The following DHRS7B variants were observed in gnomAD, a reference collection of about 807,000 sequenced individuals.
DHRS7B encodes the protein dehydrogenase/reductase 7B.
DHRS7B carries 24 observed loss-of-function variants against 26.4 expected under a neutral mutation model. That is an observed-to-expected ratio of 0.91 (90% CI 0.66 to 1.28). The LOEUF is 1.28. DHRS7B is among the 50% of genes most tolerant of loss of function. The probability of loss-of-function intolerance (pLI) is 0.00; values close to 1 mark genes in which losing one functional copy is unlikely to be tolerated. For synonymous variants in DHRS7B, 142 were observed against 166.4 expected (o/e 0.85, Z 1.13); for missense variants, 368 against 419.4 (o/e 0.88, Z 1.07).
At chr17:21,137,545 C>T (rs1973374621) in intron 1 of DHRS7B, among the ~76,000 whole-genome samples, 1 of 151,936 alleles carries the variant, frequency 6.6e-6, no homozygotes, top group African/African-American at 2.4e-5. Context: ...GCAACCTCCG[C>T]CTCCTGGGTT....
At position 21,191,027 on chromosome 17, in the gene DHRS7B, GA is replaced by G. The variant is rs761064582; in HGVS notation, c.855del (p.Asp286MetfsTer2). On this transcript the variant is annotated frameshift_variant, in exon 7 of 7. Transcript: ENST00000395511. LOFTEE classifies it high-confidence loss of function. ...TTCTTGCTGCTGTGGGGAAGAAGAA[GA>G]AAGATGTGATCCTGGCTGACTTACT... ...DVLAAVGKKK[K>X]DVILADLLPS... is the part of the protein sequence containing the mutation. 2 of 1,614,276 alleles carry G rather than the reference GA, an allele frequency of 1.2e-6. No homozygotes were observed. Among genetic ancestry groups the G allele is most frequent in the South Asian group, 2.2e-5 (2 of 91,088 alleles).
chr17:21,156,016 A>G (rs540579343), intron 1 of DHRS7B, among the ~76,000 whole-genome samples: 4 of 152,294 alleles, frequency 2.6e-5, no homozygotes, highest in African/African-American at 7.2e-5. Flanking sequence ...AAGAAGAAAG[A>G]TCTAAAATCA....
chr17:21,179,923 C>T (rs900879885), intron 3 of DHRS7B, among the ~76,000 whole-genome samples: 14 of 151,762 alleles, frequency 9.2e-5, no homozygotes, highest in Admixed American at 2.0e-4. Flanking sequence ...TGCGCCACCA[C>T]GCCCGGCTAA....
rs1179092877 is a variant in DHRS7B at position 21,126,989 on chromosome 17, C to T, written c.18C>T (p.Thr6=). MVSPA[T]RKSLPKVKAM... The stretch of plus-strand genomic sequence containing the variant: ...GATTGACTATGGTCTCTCCGGCTAC[C>T]AGGTAGGGGCTGGGGAAGAAGGAAC... Residue 6 remains threonine (T), a splice_region_variant and synonymous_variant, in exon 1 of 7, where the codon ACC becomes ACT. Coordinates refer to ENST00000395511, the MANE Select transcript of DHRS7B (RefSeq NM_015510.5). The T allele has an allele frequency of 3.9e-6, 6 of 1,529,704 alleles. No homozygotes were observed. Among genetic ancestry groups the T allele is most frequent in the Non-Finnish European group, 5.3e-6 (6 of 1,138,280 alleles). The allele number at this position is 1,529,704 out of a possible 1,614,324, so 94.8% of individuals were successfully genotyped here. A position where few individuals can be genotyped will look rare whatever the true frequency, so the allele number is the denominator to read the frequency against.
chr17:21,158,843 G>T (rs994108951), intron 1 of DHRS7B, among the ~76,000 whole-genome samples: 2 of 151,560 alleles, frequency 1.3e-5, no homozygotes, highest in Non-Finnish European at 2.9e-5. Context: ...ACAACAAGTA[G>T]ATCAATGGAA....
At chr17:21,162,398 G>A (rs1286729089) in intron 1 of DHRS7B, among the ~76,000 whole-genome samples, 5 of 152,172 alleles carry the variant, frequency 3.3e-5, no homozygotes, top group African/African-American at 1.2e-4. Flanking sequence ...AATACTGAGT[G>A]TAGGCAAATA....
chr17:21,172,301 G>C, intron 2 of DHRS7B, 105 bp downstream of exon 2: 3 of 1,397,070 alleles, frequency 2.1e-6, no homozygotes, highest in Non-Finnish European at 2.9e-6. Flanking sequence ...CGAAGCGGCA[G>C]CAGAAGGCCA....
intron 1 of DHRS7B, chr17:21,168,791 G>A (rs1185704635): frequency 5.1e-6 from 5 of 985,330 alleles, no homozygotes; most frequent in African/African-American, 1.7e-5. Flanking sequence ...TTCACCCGGC[G>A]CCATGTTTGC....
chr17:21,127,269 C>T, intron 1 of DHRS7B: 1 of 445,612 alleles, frequency 2.2e-6, no homozygotes, highest in Non-Finnish European at 4.0e-6. Context: ...ATGGGTGTCG[C>T]GCCGGGCGCT....
chr17:21,152,872 C>G (rs1567620636), intron 1 of DHRS7B, among the ~76,000 whole-genome samples: 1 of 152,170 alleles, frequency 6.6e-6, no homozygotes, highest in Admixed American at 6.6e-5. Context: ...AGTTCACAGG[C>G]TCACCAAAAA....
At chr17:21,171,419 T>G (rs1356692355) in intron 1 of DHRS7B, among the ~76,000 whole-genome samples, 1 of 152,118 alleles carries the variant, frequency 6.6e-6, no homozygotes, top group African/African-American at 2.4e-5. Context: ...CCCATGCTGG[T>G]GCTTGGGGCA....
rs142849624 is a variant in DHRS7B at position 21,137,231 on chromosome 17, A to G, written c.20+10240A>G. ...GGTGATCCACCTGCCTTGGCCTCCTAAACTGCTGGAATTATAGGAATTATA... is the reference window on the plus strand; with the variant it reads ...GGTGATCCACCTGCCTTGGCCTCCTGAACTGCTGGAATTATAGGAATTATA... On this transcript the variant is annotated intron_variant, in intron 1 of 6. Transcript: ENST00000395511. 1.0e-2 allele frequency among the ~76,000 whole-genome samples: 1,503 copies of G among 150,966 alleles called. 33 individuals are homozygous for G. The highest frequency in any genetic ancestry group is 0.035 in the African/African-American group (1,430 of 41,140).
chr17:21,142,182 A>G (rs1015164338), intron 1 of DHRS7B, among the ~76,000 whole-genome samples: 2 of 152,162 alleles, frequency 1.3e-5, no homozygotes, highest in Non-Finnish European at 2.9e-5. Flanking sequence ...AAGGGGGTCC[A>G]CGTGAGAGGG....
chr17:21,160,914 T>C (rs1203420009), intron 1 of DHRS7B, among the ~76,000 whole-genome samples: 1 of 152,104 alleles, frequency 6.6e-6, no homozygotes, highest in Admixed American at 6.6e-5. Flanking sequence ...TGAAAAGACA[T>C]GGAGGAAACT....
intron 5 of DHRS7B, among the ~76,000 whole-genome samples, chr17:21,187,777 G>A (rs1273596293): frequency 1.3e-5 from 2 of 151,662 alleles, no homozygotes; most frequent in African/African-American, 2.4e-5. Flanking sequence ...GTCCTTTAAT[G>A]TACTATTTGA....
chr17:21,182,217 A>T (rs1247938388), intron 3 of DHRS7B, among the ~76,000 whole-genome samples: 1 of 152,110 alleles, frequency 6.6e-6, no homozygotes, highest in Non-Finnish European at 1.5e-5. Flanking sequence ...CGTTCTATTA[A>T]TGTGATATAT....
At chr17:21,149,449 A>G (rs1293294984) in intron 1 of DHRS7B, among the ~76,000 whole-genome samples, 1 of 152,252 alleles carries the variant, frequency 6.6e-6, no homozygotes, top group Non-Finnish European at 1.5e-5. Flanking sequence ...AAGTACGTGG[A>G]CAAACCCAGA....
intron 1 of DHRS7B, 158 bp downstream of exon 1, chr17:21,127,149 A>C: frequency 1.4e-6 from 1 of 732,586 alleles, no homozygotes. Context: ...CCGAACTCTG[A>C]AGGAAGACTC....
In DHRS7B at chr17:21,189,803, A is replaced by C. The variant is rs541789446; in HGVS notation, c.772+940A>C. Among the ~76,000 whole-genome samples the C allele has an allele frequency of 2.8e-4, 42 of 152,340 alleles. 1 individual carries two copies. Among genetic ancestry groups the C allele is most frequent in the Admixed American group, 1.6e-3 (25 of 15,304 alleles). ...AATAAGCTGTAATCCAAAACTTCCT[A>C]CTTTTCTGCATTAACAAAAACACAG... On this transcript the variant is annotated intron_variant, in intron 6 of 6. Coordinates refer to ENST00000395511, the MANE Select transcript of DHRS7B (RefSeq NM_015510.5).
Sources: allele counts gnomAD v4.1 joint callset (sites outside exome capture counted in the v4.1 genomes callset), GRCh38; gene constraint gnomAD v4.1.1; transcripts MANE v1.5; gene names NCBI Gene and HGNC (gene_info 2026-07-23, HGNC 2026-07-21).